EIF2B3: variants seen among roughly 807,000 people sequenced by gnomAD.
The protein encoded by EIF2B3 is translation initiation factor eIF2B subunit gamma.
EIF2B3 carries 20 observed loss-of-function variants against 54.1 expected under a neutral mutation model. The observed-to-expected ratio is 0.37, with a 90% CI of 0.26 to 0.54. The LOEUF is 0.54. Ranked by LOEUF, EIF2B3 falls within the 20% of genes least tolerant of loss-of-function variation. The pLI, the probability that EIF2B3 is intolerant of heterozygous loss-of-function variation, is 0.86. For missense variants in EIF2B3, 448 were observed against 547.8 expected (o/e 0.82, Z 1.82); for synonymous variants, 153 against 188.1 (o/e 0.81, Z 1.52).
intron 8 of EIF2B3, among the ~76,000 whole-genome samples, chr1:44,877,004 C>T (rs981647323): frequency 1.3e-5 from 2 of 149,042 alleles, no homozygotes; most frequent in African/African-American, 5.1e-5. Flanking sequence ...GCAGCATGCT[C>T]GTTAAGAGTC....
intron 1 of EIF2B3, among the ~76,000 whole-genome samples, chr1:44,985,108 T>C (rs1278194181): frequency 3.3e-5 from 5 of 152,206 alleles, no homozygotes; most frequent in African/African-American, 7.2e-5. Context: ...GCCCGGCCAA[T>C]AATGTCCATC....
At chr1:44,954,917 G>GT (rs1041197645) in intron 3 of EIF2B3, among the ~76,000 whole-genome samples, 16 of 152,166 alleles carry the variant, frequency 1.1e-4, no homozygotes, top group African/African-American at 2.9e-4. Flanking sequence ...TTTACTGAGA[G>GT]TTTTTTAGCA....
intron 6 of EIF2B3, among the ~76,000 whole-genome samples, chr1:44,886,029 G>A (rs1057014124): frequency 2.0e-5 from 3 of 151,286 alleles, no homozygotes; most frequent in East Asian, 2.0e-4. Context: ...ACAGGCGTAA[G>A]CTACCGTGCC....
intron 5 of EIF2B3, among the ~76,000 whole-genome samples, chr1:44,922,524 T>C (rs1024349937): frequency 6.8e-6 from 1 of 147,666 alleles, no homozygotes; most frequent in African/African-American, 2.5e-5. Context: ...GAGGTGGAGG[T>C]TGCAGTGAGC....
At chr1:44,851,104 AC>A in intron 11 of EIF2B3, 101 bp from the exon 12 acceptor site, 1 of 1,214,558 alleles carries the variant, frequency 8.2e-7, no homozygotes, top group Non-Finnish European at 1.2e-6. Flanking sequence ...CGCTCTTGTC[AC>A]CCAGGCTGGA....
intron 5 of EIF2B3, among the ~76,000 whole-genome samples, chr1:44,911,723 ATACTT>A (rs1237614966): frequency 1.3e-5 from 2 of 152,000 alleles, no homozygotes; most frequent in Non-Finnish European, 2.9e-5. Context: ...TTTTTTTATT[ATACTT>A]TAAGTTTTAG....
intron 3 of EIF2B3, among the ~76,000 whole-genome samples, chr1:44,972,014 A>G (rs892659980): frequency 1.3e-5 from 2 of 152,098 alleles, no homozygotes; most frequent in Admixed American, 6.6e-5. Context: ...CCTGGGCAAC[A>G]GAGCAAGACT....
chr1:44,914,993 A>G (rs1643593045), intron 5 of EIF2B3, among the ~76,000 whole-genome samples: 1 of 149,196 alleles, frequency 6.7e-6, no homozygotes, highest in African/African-American at 2.4e-5. Flanking sequence ...CCCGCCCATT[A>G]TTTTAAATTT....
chr1:44,983,406 C>T (rs1644535120), intron 1 of EIF2B3, among the ~76,000 whole-genome samples: 1 of 152,232 alleles, frequency 6.6e-6, no homozygotes, highest in Non-Finnish European at 1.5e-5. Flanking sequence ...CACTTAACAC[C>T]TACTATACCC....
intron 10 of EIF2B3, among the ~76,000 whole-genome samples, chr1:44,868,428 T>C (rs1297938334): frequency 1.4e-5 from 2 of 147,964 alleles, no homozygotes; most frequent in African/African-American, 2.5e-5. Flanking sequence ...AAAAGAAAGC[T>C]GTAGTGTCTT....
intron 3 of EIF2B3, among the ~76,000 whole-genome samples, chr1:44,966,205 T>C (rs1644336850): frequency 6.6e-6 from 1 of 151,668 alleles, no homozygotes; most frequent in Admixed American, 6.6e-5. Flanking sequence ...TTCGGGAGGC[T>C]GAGGAAGGAG....
intron 10 of EIF2B3, among the ~76,000 whole-genome samples, chr1:44,864,341 G>T (rs567260633): frequency 3.4e-4 from 51 of 152,176 alleles, no homozygotes; most frequent in Non-Finnish European, 6.6e-4. Context: ...GAGGCGGGTG[G>T]ATCACCTGTG....
At chr1:44,954,848 T>C (rs1644205243) in intron 3 of EIF2B3, among the ~76,000 whole-genome samples, 1 of 152,196 alleles carries the variant, frequency 6.6e-6, no homozygotes, top group African/African-American at 2.4e-5. Flanking sequence ...CAGTATGATA[T>C]TGGCTGTGGG....
At chr1:44,901,550 CTTTTTTTTTTTT>C (rs36059931) in intron 5 of EIF2B3, among the ~76,000 whole-genome samples, 4 of 111,582 alleles carry the variant, frequency 3.6e-5, no homozygotes, top group Non-Finnish European at 7.0e-5. Context: ...TGGGCCTGGC[CTTTTTTTTTTTT>C]TTTTTTTTTT....
intron 3 of EIF2B3, among the ~76,000 whole-genome samples, chr1:44,967,303 C>T (rs548566566): frequency 1.8e-4 from 27 of 150,816 alleles, no homozygotes; most frequent in Middle Eastern, 3.4e-3. Flanking sequence ...AAAAATTAGC[C>T]AGGCATGGTG....
intron 3 of EIF2B3, among the ~76,000 whole-genome samples, chr1:44,975,286 A>G (rs923229852): frequency 2.0e-5 from 3 of 152,188 alleles, no homozygotes; most frequent in African/African-American, 7.2e-5. Context: ...AAATAAATAG[A>G]TACACAATTA....
chr1:44,975,991 G>A (rs1283375007), intron 3 of EIF2B3, among the ~76,000 whole-genome samples: 1 of 152,122 alleles, frequency 6.6e-6, no homozygotes, highest in African/African-American at 2.4e-5. Flanking sequence ...GCAAGACTCT[G>A]TCTCAAAAAG....
At chr1:44,870,203 A>T (rs1654922474) in intron 10 of EIF2B3, among the ~76,000 whole-genome samples, 1 of 151,848 alleles carries the variant, frequency 6.6e-6, no homozygotes, top group Non-Finnish European at 1.5e-5. Context: ...AGAGAGAGAG[A>T]GAGAGAATAT....
intron 6 of EIF2B3, among the ~76,000 whole-genome samples, chr1:44,889,789 A>G (rs908926744): frequency 6.6e-6 from 1 of 152,048 alleles, no homozygotes; most frequent in Non-Finnish European, 1.5e-5. Context: ...TTGGCCTCCC[A>G]AAGTGCTGGG....
Sources: allele counts gnomAD v4.1 joint callset (sites outside exome capture counted in the v4.1 genomes callset), GRCh38; gene constraint gnomAD v4.1.1; transcripts MANE v1.5; gene names NCBI Gene and HGNC (gene_info 2026-07-23, HGNC 2026-07-21).